TCF20: variants seen among roughly 807,000 people sequenced by gnomAD.
The protein encoded by TCF20 is SPRE-binding protein.
Under a neutral mutation model 148.6 loss-of-function variants are expected in TCF20, and 3 were observed. That is an observed-to-expected ratio of 0.02 (90% CI 0.01 to 0.05). The LOEUF is 0.05. Ranked by LOEUF, TCF20 falls within the 10% of genes least tolerant of loss-of-function variation. The probability of loss-of-function intolerance (pLI) is 1.00; values close to 1 mark genes in which losing one functional copy is unlikely to be tolerated. For synonymous variants in TCF20, 1,049 were observed against 909.5 expected (o/e 1.15, Z -2.76); for missense variants, 2,350 against 2,429.3 (o/e 0.97, Z 0.69).
rs1042811060 is a variant in TCF20, at chr22:42,290,213, C to G, written c.-37+53266G>C. Among the ~76,000 whole-genome samples, 2 of 152,110 alleles carry G rather than the reference C, an allele frequency of 1.3e-5. No homozygotes were observed. Among genetic ancestry groups the G allele is most frequent in the Non-Finnish European group, 2.9e-5 (2 of 67,996 alleles). On this transcript the variant is annotated intron_variant, in intron 1 of 1. Transcript: ENST00000515426. The surrounding 1 kb of genome is among the most constrained non-coding windows in gnomAD (Gnocchi z 4.2). ...CCAGAGCCTGCAGCAGGGCCTGCCC[C>G]CTTCATCCTGTCTCTTCTCCCAGTC... is the stretch of plus-strand genomic sequence containing the variant.
chr22:42,183,068 T>A (rs898533484), intron 2 of TCF20, among the ~76,000 whole-genome samples: 1 of 152,210 alleles, frequency 6.6e-6, no homozygotes, highest in Non-Finnish European at 1.5e-5. Flanking sequence ...CACCTAAATC[T>A]GTGTTGTGAG....
intron 3 of TCF20, among the ~76,000 whole-genome samples, chr22:42,178,117 G>A (rs1694658488): frequency 6.6e-6 from 1 of 152,172 alleles, no homozygotes; most frequent in Admixed American, 6.5e-5. Flanking sequence ...AGTAGATGAA[G>A]GTGCCTCAGG....
rs922132990 is a variant in TCF20, at chr22:42,264,090, T to C, written c.-37+6249A>G. On this transcript the variant is annotated intron_variant, in intron 1 of 5. Coordinates refer to ENST00000677622, the MANE Select transcript of TCF20 (RefSeq NM_001378418.1). Reference sequence around the variant, plus strand: ...AGCTGGCTGGGAAAGACTGAGAGGATGAGCCCTCCTGGCTATGGTTAACAA... The same window carrying C: ...AGCTGGCTGGGAAAGACTGAGAGGACGAGCCCTCCTGGCTATGGTTAACAA... 5.3e-5 allele frequency among the ~76,000 whole-genome samples: 8 copies of C among 152,056 alleles called. No homozygotes were observed. In the South Asian group the frequency reaches 1.5e-3, roughly 28 times the overall value.
intron 1 of TCF20, among the ~76,000 whole-genome samples, chr22:42,222,088 G>A (rs925645372): frequency 6.6e-6 from 1 of 152,106 alleles, no homozygotes; most frequent in African/African-American, 2.4e-5. Context: ...AAGGCCTCTG[G>A]CCCTCTAGAC....
At chr22:42,201,106 T>G (rs975861681) in intron 2 of TCF20, among the ~76,000 whole-genome samples, 1 of 152,236 alleles carries the variant, frequency 6.6e-6, no homozygotes, top group Non-Finnish European at 1.5e-5. Context: ...CACCTCACTC[T>G]GTCTTGCTCC....
At chr22:42,263,741 A>G (rs563822363) in intron 1 of TCF20, among the ~76,000 whole-genome samples, 6 of 152,242 alleles carry the variant, frequency 3.9e-5, no homozygotes, top group South Asian at 4.1e-4. Flanking sequence ...GATGTGTGCC[A>G]TCTCTCCTTG....
intron 1 of TCF20, among the ~76,000 whole-genome samples, chr22:42,247,083 AAT>A (rs1440370832): frequency 1.3e-5 from 2 of 152,198 alleles, no homozygotes. Flanking sequence ...CAGTTAAGGG[AAT>A]GTTAGATTTC....
intron 2 of TCF20, 35 bp from the exon 3 acceptor site, chr22:42,179,737 C>T (rs1361371260): frequency 3.6e-5 from 54 of 1,497,144 alleles, no homozygotes; most frequent in Non-Finnish European, 4.9e-5. Flanking sequence ...ATGTCAGTAT[C>T]CCAGATTTGG....
intron 1 of TCF20, among the ~76,000 whole-genome samples, chr22:42,218,874 G>A (rs1922065120): frequency 6.7e-6 from 1 of 149,950 alleles, no homozygotes; most frequent in South Asian, 2.1e-4. Flanking sequence ...TTTCCCTATT[G>A]TTATGGTTCT....
chr22:42,190,484 C>T lies in TCF20; in HGVS notation c.5656-10782G>A, dbSNP rs571913202. ...GACACACACACACACACACACCCTG[C>T]ACATACTTCCCAGGAAGTACCAGCA... On this transcript the variant is annotated intron_variant, in intron 2 of 5. Coordinates refer to ENST00000677622, the MANE Select transcript of TCF20 (RefSeq NM_001378418.1). Among the ~76,000 whole-genome samples the T allele has an allele frequency of 1.0e-4, 15 of 150,648 alleles. 1 individual carries two copies. In the South Asian group the frequency reaches 3.0e-3, roughly 30 times the overall value.
chr22:42,193,621 C>A (rs1937451366), intron 2 of TCF20, among the ~76,000 whole-genome samples: 1 of 152,104 alleles, frequency 6.6e-6, no homozygotes. Context: ...AGCCACCATG[C>A]CCAGGCCCAA....
At chr22:42,175,630 T>C (rs969018622) in intron 3 of TCF20, among the ~76,000 whole-genome samples, 1 of 151,462 alleles carries the variant, frequency 6.6e-6, no homozygotes, top group Non-Finnish European at 1.5e-5. Flanking sequence ...TGAGCCACCG[T>C]GCCTGGCCCA....
intron 3 of TCF20, among the ~76,000 whole-genome samples, chr22:42,178,752 G>T (rs150347427): frequency 1.0e-3 from 157 of 151,786 alleles, no homozygotes; most frequent in African/African-American, 3.7e-3. Flanking sequence ...GCTAATTTTT[G>T]TAGTTTTAGT....
Position 42,214,304 on chromosome 22 carries a change from A to C in TCF20, c.1002T>G (p.Ala334=). The C allele has an allele frequency of 6.2e-7, 1 of 1,614,206 alleles. No homozygotes were observed. The highest frequency in any genetic ancestry group is 1.1e-5 in the South Asian group (1 of 91,078). The change falls in exon 2 of 6, where the codon GCT becomes GCG. Residue 334 remains alanine, a synonymous_variant. Coordinates refer to ENST00000677622, the MANE Select transcript of TCF20 (RefSeq NM_001378418.1). ...GGCTTTGCAGGGGCAGCTTGGTGGC[A>C]GCGTTAGTATACTGCATCACATGCT... ...PSQHVMQYTN[A]ATKLPLQSQV...
intron 1 of TCF20, among the ~76,000 whole-genome samples, chr22:42,235,667 G>T (rs1227795511): frequency 2.0e-5 from 3 of 152,114 alleles, no homozygotes; most frequent in Non-Finnish European, 4.4e-5. Context: ...TTAGAATTAA[G>T]AAATCTAAAT....
intron 1 of TCF20, among the ~76,000 whole-genome samples, chr22:42,232,303 G>T (rs1198729959): frequency 1.3e-5 from 2 of 152,050 alleles, no homozygotes; most frequent in East Asian, 1.9e-4. Context: ...CTAGGTGTGT[G>T]TAAGTACATC....
upstream of TCF20, among the ~76,000 whole-genome samples, chr22:42,287,188 ATTTGGGAGCACAGGTT>A (rs1303759229): frequency 6.6e-6 from 1 of 152,178 alleles, no homozygotes; most frequent in Admixed American, 6.5e-5. Context: ...TGTTGCCTCT[ATTTGGGAGCACAGGTT>A]TTTGGGAGCA....
chr22:42,287,470 A>G (rs76525129), upstream of TCF20, among the ~76,000 whole-genome samples: 359 of 152,308 alleles, frequency 2.4e-3, 2 homozygotes, highest in African/African-American at 8.3e-3. Flanking sequence ...CTTTTAACCA[A>G]CATACTCTAC....
At chr22:42,199,382 C>T (rs930998830) in intron 2 of TCF20, among the ~76,000 whole-genome samples, 2 of 152,084 alleles carry the variant, frequency 1.3e-5, no homozygotes, top group African/African-American at 4.8e-5. Context: ...TGTGGTAGCA[C>T]TTTGCCTAGC....
Sources: gnomAD v4.1 joint callset for allele counts (sites outside exome capture counted in the v4.1 genomes callset) on GRCh38, gnomAD v4.1.1 for gene constraint, Gnocchi (gnomAD v3.1) non-coding constraint, MANE v1.5 for transcripts, NCBI Gene and HGNC (gene_info 2026-07-23, HGNC 2026-07-21) for gene names.